The following ATG16L1 variants were observed in gnomAD, a reference collection of about 807,000 sequenced individuals.
ATG16L1 encodes autophagy-related protein 16-1.
In ATG16L1, 37 loss-of-function variants were observed where a neutral mutation model predicts 88.5. That is an observed-to-expected ratio of 0.42 (90% CI 0.32 to 0.55). The LOEUF is 0.55. Among genes scored for constraint, ATG16L1 ranks in the 20% least tolerant of loss-of-function variants. The pLI, the probability that ATG16L1 is intolerant of heterozygous loss-of-function variation, is 0.13. For synonymous variants in ATG16L1, 301 were observed against 281.0 expected (o/e 1.07, Z -0.71); for missense variants, 554 against 752.8 (o/e 0.74, Z 3.09).
chr2:233,274,322 C>CA, intron 8 of ATG16L1: 1 of 470,542 alleles, frequency 2.1e-6, no homozygotes, highest in Non-Finnish European at 3.8e-6. Context: ...AATAGTTTTG[C>CA]AAAAAAGACC....
Position 233,294,454 on chromosome 2 carries a change from C to T in ATG16L1, c.*104C>T. On this transcript the variant is annotated 3_prime_UTR_variant, in exon 18 of 18. Transcript: ENST00000392017. ...GTGATGTGCTGGGTATAGCATGGACCTCCCAGAGAAGCTCAAGCTATGTGG... is the reference window on the plus strand; with the variant it reads ...GTGATGTGCTGGGTATAGCATGGACTTCCCAGAGAAGCTCAAGCTATGTGG... The T allele has an allele frequency of 1.2e-6, 1 of 816,028 alleles. No individual in the cohort carries two copies. Among genetic ancestry groups the T allele is most frequent in the Non-Finnish European group, 1.9e-6 (1 of 524,698 alleles). The allele number at this position is 816,028 out of a possible 1,614,324, so 50.5% of individuals were successfully genotyped here. A position where few individuals can be genotyped will look rare whatever the true frequency, so the allele number is the denominator to read the frequency against.
intron 5 of ATG16L1, 75 bp from the exon 6 acceptor site, chr2:233,269,927 C>G (rs2125239389): frequency 6.8e-7 from 1 of 1,466,264 alleles, no homozygotes; most frequent in Middle Eastern, 1.9e-4. Flanking sequence ...GAACTGGTGG[C>G]TTCTAGAGAG....
Position 233,270,036 on chromosome 2 carries a change from G to A in ATG16L1, c.676G>A (p.Glu226Lys). Reference protein sequence around the residue: ...RQARLQKELAEAAKEPLPVEQ... With the variant: ...RQARLQKELAKAAKEPLPVEQ... ...AGCCCGGCTGCAGAAAGAGCTTGCAGAAGCAGCAAAGGAACCTCTACCAGT... is the reference window on the plus strand; with the variant it reads ...AGCCCGGCTGCAGAAAGAGCTTGCAAAAGCAGCAAAGGAACCTCTACCAGT... Residue 226 changes from glutamate to lysine, a missense_variant, in exon 6 of 18, where the codon GAA (glutamate) becomes AAA (lysine). Glu to Lys is a moderately conservative substitution (Grantham distance 56). Around this residue, in one of 5 missense-constraint regions of ATG16L1, gnomAD observed 370 missense variants for 509.7 expected, o/e 0.73. Coordinates refer to ENST00000392017, the MANE Select transcript of ATG16L1 (RefSeq NM_030803.7). The A allele has an allele frequency of 6.3e-7, 1 of 1,588,772 alleles. No individual in the cohort carries two copies. The highest frequency in any genetic ancestry group is 1.8e-5 in the Admixed American group (1 of 55,132).
At chr2:233,275,635 C>T in intron 9 of ATG16L1, 1 of 468,562 alleles carries the variant, frequency 2.1e-6, no homozygotes, top group Admixed American at 2.1e-5. Context: ...GAGAGTTCCG[C>T]TTTGGAGGAG....
intron 7 of ATG16L1, 117 bp downstream of exon 7, chr2:233,273,169 G>T: frequency 1.3e-6 from 1 of 784,038 alleles, no homozygotes; most frequent in Non-Finnish European, 2.2e-6. Context: ...CCTTTTCTGG[G>T]ACACCCAGCG....
chr2:233,264,159 T>C, intron 4 of ATG16L1, 94 bp downstream of exon 4: 1 of 1,216,222 alleles, frequency 8.2e-7, no homozygotes, highest in Non-Finnish European at 1.2e-6. Flanking sequence ...TGGCAGTGAG[T>C]GGCCACAGTG....
At chr2:233,283,840 T>G (rs779011261) in intron 12 of ATG16L1, among the ~76,000 whole-genome samples, 5 of 138,422 alleles carry the variant, frequency 3.6e-5, no homozygotes, top group Non-Finnish European at 7.8e-5. Flanking sequence ...CCCAGCAAGA[T>G]ACATTTCTTT....
chr2:233,265,221 C>G, intron 5 of ATG16L1, 78 bp downstream of exon 5: 1 of 1,540,562 alleles, frequency 6.5e-7, no homozygotes, highest in Non-Finnish European at 8.8e-7. Flanking sequence ...AAGAGATAAA[C>G]CTGGCAGTTA....
At chr2:233,278,881 T>C (rs994260543) in intron 10 of ATG16L1, among the ~76,000 whole-genome samples, 7 of 152,186 alleles carry the variant, frequency 4.6e-5, no homozygotes, top group African/African-American at 1.7e-4. Context: ...TGATAATGGC[T>C]GAAGCAATTA....
chr2:233,253,331 G>GTT (rs1247381726), intron 1 of ATG16L1, among the ~76,000 whole-genome samples: 36 of 102,808 alleles, frequency 3.5e-4, no homozygotes, highest in Middle Eastern at 6.0e-3. Flanking sequence ...GGTGAGACTG[G>GTT]GTTTTTTTGT....
rs1696760762 is a variant in ATG16L1, at chr2:233,256,121, G to A, written c.135G>A (p.Lys45=). ...TAATAGATAACAAATTGCTGGAAAA[G>A]TCAGATCTTCATTCAGTGTTGGCCC... ...IILQYNKLLE[K]SDLHSVLAQK... is the part of the protein sequence containing the mutation. Residue 45 remains lysine (K), a synonymous_variant, in exon 2 of 18, where the codon AAG becomes AAA. Transcript: ENST00000392017. The A allele has an allele frequency of 6.2e-7, 1 of 1,613,926 alleles. No homozygotes were observed. The highest frequency in any genetic ancestry group is 1.1e-5 in the South Asian group (1 of 91,030).
chr2:233,255,162 C>T (rs1262621239), intron 1 of ATG16L1, among the ~76,000 whole-genome samples: 8 of 152,090 alleles, frequency 5.3e-5, no homozygotes, highest in East Asian at 1.9e-4. Context: ...TTAGTAGTTT[C>T]GCCGTGTTGG....
intron 2 of ATG16L1, among the ~76,000 whole-genome samples, 162 bp from the exon 3 acceptor site, chr2:233,262,968 T>A (rs1274099231): frequency 6.6e-6 from 1 of 152,192 alleles, no homozygotes; most frequent in Non-Finnish European, 1.5e-5. Flanking sequence ...CCACTCATAG[T>A]GCCTGTAACC....
intron 9 of ATG16L1, among the ~76,000 whole-genome samples, chr2:233,274,986 G>A (rs1698250414): frequency 6.6e-6 from 1 of 152,212 alleles, no homozygotes; most frequent in African/African-American, 2.4e-5. Context: ...CCTCTGTAAT[G>A]GCAGAGCTGA....
At chr2:233,263,415 A>G (rs1411430766) in intron 3 of ATG16L1, among the ~76,000 whole-genome samples, 180 bp downstream of exon 3, 1 of 152,168 alleles carries the variant, frequency 6.6e-6, no homozygotes, top group African/African-American at 2.4e-5. Context: ...AGGCAGATTG[A>G]GGCCCATCAC....
intron 12 of ATG16L1, among the ~76,000 whole-genome samples, chr2:233,283,800 G>A (rs1312686527): frequency 5.3e-5 from 8 of 152,096 alleles, no homozygotes; most frequent in Admixed American, 5.2e-4. Flanking sequence ...GCCTCCCAAA[G>A]TGCTGGGATT....
intron 2 of ATG16L1, among the ~76,000 whole-genome samples, chr2:233,258,101 C>T (rs1696943543): frequency 6.6e-6 from 1 of 151,352 alleles, no homozygotes; most frequent in Non-Finnish European, 1.5e-5. Flanking sequence ...CATATTTGTT[C>T]ATGGCGGGGT....
At chr2:233,281,219 T>A (rs756615808) in intron 11 of ATG16L1, 44 bp downstream of exon 11, 4 of 1,392,646 alleles carry the variant, frequency 2.9e-6, no homozygotes, top group Middle Eastern at 2.0e-4. Flanking sequence ...TTAGAAATAA[T>A]TTAAGACATT....
chr2:233,253,332 GTTTTTTTGTTTT>G (rs1007126044), intron 1 of ATG16L1, among the ~76,000 whole-genome samples: 10 of 112,912 alleles, frequency 8.9e-5, no homozygotes, highest in East Asian at 2.6e-4. Flanking sequence ...GTGAGACTGG[GTTTTTTTGTTTT>G]TTTTTTTTTT....
Sources: allele counts gnomAD v4.1 joint callset (sites outside exome capture counted in the v4.1 genomes callset), GRCh38; gene constraint gnomAD v4.1.1; regional missense constraint gnomAD v4.1.1; transcripts MANE v1.5; gene names NCBI Gene and HGNC (gene_info 2026-07-23, HGNC 2026-07-21).